PPP4R3B: variants seen among roughly 807,000 people sequenced by gnomAD.
PPP4R3B encodes the protein serine/threonine-protein phosphatase 4 regulatory subunit 3B.
PPP4R3B carries 52 observed loss-of-function variants against 95.4 expected under a neutral mutation model. The observed-to-expected ratio is 0.54, with a 90% CI of 0.44 to 0.69. The LOEUF is 0.69. Among genes scored for constraint, PPP4R3B ranks in the 30% least tolerant of loss-of-function variants. The pLI, the probability that PPP4R3B is intolerant of heterozygous loss-of-function variation, is 0.00. For synonymous variants in PPP4R3B, 407 were observed against 343.9 expected, an observed-to-expected ratio of 1.18 and a Z score of -2.03; for missense variants, 1,003 against 1,005.9, an observed-to-expected ratio of 1.00 and a Z score of 0.04.
At chr2:55,563,097 C>T (rs1686832251) in intron 15 of PPP4R3B, among the ~76,000 whole-genome samples, 1 of 152,144 alleles carries the variant, frequency 6.6e-6, no homozygotes, top group Non-Finnish European at 1.5e-5. Context: ...CCTCTTTTGA[C>T]AATAGTCAGG....
chr2:55,574,326 CAGAA>C (rs1369064767), intron 11 of PPP4R3B, among the ~76,000 whole-genome samples: 2 of 150,944 alleles, frequency 1.3e-5, no homozygotes, highest in Non-Finnish European at 2.9e-5. Context: ...ATATGAAATA[CAGAA>C]AGAAAGGCAA....
rs540904533 is a variant in PPP4R3B, at chr2:55,589,731, T to C, written c.922-775A>G. On this transcript the variant is annotated intron_variant, in intron 4 of 16. Transcript: ENST00000616407. ...GAGATCGAGACCACCCTGGCTAACA[T>C]GGTAAAACCCTGTCTCTACTAAAAA... Among the ~76,000 whole-genome samples the C allele has an allele frequency of 5.5e-3, 828 of 150,908 alleles. 2 individuals carry two copies. The highest frequency in any genetic ancestry group is 9.8e-3 in the Non-Finnish European group (664 of 67,782).
Position 55,555,253 on chromosome 2 carries a change from C to T in PPP4R3B, c.2454+3522G>A, listed in dbSNP as rs185091841. ...CAAGATTGCGCCACCGCACTCCAGC[C>T]TGGGCAACAGAACAAGACTCCGTCT... is the stretch of plus-strand genomic sequence containing the variant. On this transcript the variant is annotated intron_variant, in intron 16 of 16. Transcript: ENST00000616407. Among the ~76,000 whole-genome samples, 5 of 138,412 alleles carry T rather than the reference C, an allele frequency of 3.6e-5. No homozygotes were observed. In the East Asian group the frequency reaches 1.0e-3, roughly 28 times the overall value. The allele number at this position is 138,412 out of a possible 152,430, so 90.8% of individuals were successfully genotyped here.
At chr2:55,568,514 A>G (rs1687587096) in intron 12 of PPP4R3B, 151 bp from the exon 13 acceptor site, 1 of 570,470 alleles carries the variant, frequency 1.8e-6, no homozygotes, top group Admixed American at 4.2e-5. Flanking sequence ...TCTAAAATGA[A>G]AAGTAAAACT....
At chr2:55,591,461 TTA>T in intron 4 of PPP4R3B, 1 of 932,146 alleles carries the variant, frequency 1.1e-6, no homozygotes, top group Non-Finnish European at 1.3e-6. Context: ...CCAAATACTT[TTA>T]GTCTTAATAT....
intron 10 of PPP4R3B, among the ~76,000 whole-genome samples, chr2:55,577,987 A>C (rs1300569342): frequency 6.6e-6 from 1 of 152,168 alleles, no homozygotes; most frequent in African/African-American, 2.4e-5. Flanking sequence ...GAATGGCTGA[A>C]TTACAGCATC....
At chr2:55,568,387 T>A in intron 12 of PPP4R3B, 24 bp from the exon 13 acceptor site, 1 of 1,562,570 alleles carries the variant, frequency 6.4e-7, no homozygotes, top group Non-Finnish European at 8.7e-7. Context: ...ATATAGGGAA[T>A]AAGTTAATGA....
At chr2:55,606,810 G>C (rs1203246646) in intron 2 of PPP4R3B, among the ~76,000 whole-genome samples, 1 of 134,124 alleles carries the variant, frequency 7.5e-6, no homozygotes, top group South Asian at 2.5e-4. Context: ...GGACAAAAGT[G>C]AGACTTTGCC....
chr2:55,566,339 C>T (rs1349796199), intron 13 of PPP4R3B, among the ~76,000 whole-genome samples: 1 of 152,122 alleles, frequency 6.6e-6, no homozygotes, highest in Non-Finnish European at 1.5e-5. Context: ...ATCGACCACT[C>T]GAACTTATTT....
intron 2 of PPP4R3B, chr2:55,615,006 CAATT>C (rs1466753531): frequency 1.3e-5 from 2 of 153,338 alleles, no homozygotes; most frequent in African/African-American, 4.8e-5. Flanking sequence ...AAATACACAA[CAATT>C]AAAGAGCAGG....
At chr2:55,610,590 A>T (rs917986018) in intron 2 of PPP4R3B, among the ~76,000 whole-genome samples, 1 of 152,068 alleles carries the variant, frequency 6.6e-6, no homozygotes, top group Non-Finnish European at 1.5e-5. Flanking sequence ...GTCTGTGGAA[A>T]ATGCAAGTTT....
chr2:55,568,317 A>C lies in PPP4R3B; in HGVS notation c.1812T>G (p.Phe604Leu). Residue 604 changes from phenylalanine to leucine, a missense_variant, in exon 13 of 17, where the codon TTT becomes TTG. By Grantham distance (22) the Phe-to-Leu change is conservative. This residue lies in a region of PPP4R3B where 79 missense variants were observed against 124.9 expected (regional missense o/e 0.63). Coordinates refer to ENST00000616407, the MANE Select transcript of PPP4R3B (RefSeq NM_001122964.3). ...TTCCCTTGGTGATGTAACGATTATA[A>C]AATTCATCTTTAAGTCCAATTATCC... ...MRRIIGLKDE[F>L]YNRYITKGNL... The C allele has an allele frequency of 6.2e-7, 1 of 1,608,382 alleles. No homozygotes were observed. Among genetic ancestry groups the C allele is most frequent in the East Asian group, 2.2e-5 (1 of 44,682 alleles).
chr2:55,586,296 T>TCCC (rs1169271029), intron 6 of PPP4R3B, among the ~76,000 whole-genome samples: 1 of 152,148 alleles, frequency 6.6e-6, no homozygotes, highest in African/African-American at 2.4e-5. Flanking sequence ...GCAGCATGAA[T>TCCC]CCCCTTGTTC....
At chr2:55,611,031 A>G (rs1161303786) in intron 2 of PPP4R3B, among the ~76,000 whole-genome samples, 1 of 151,994 alleles carries the variant, frequency 6.6e-6, no homozygotes, top group East Asian at 1.9e-4. Context: ...ATGCCCAGCT[A>G]ATTTATATTT....
At position 55,598,820 on chromosome 2, in the gene PPP4R3B, T is replaced by C. The variant is rs768269365; in HGVS notation, c.517A>G (p.Lys173Glu). Residue 173 changes from lysine to glutamate, a missense_variant, in exon 4 of 17, where the codon AAA becomes GAA. Physicochemically the swap from Lys to Glu is moderately conservative, Grantham distance 56. Around this residue, in one of 3 missense-constraint regions of PPP4R3B, gnomAD observed 695 missense variants for 686.2 expected, o/e 1.01. Transcript: ENST00000616407. ...ALALENEGYIKKLLQLFQACE... is the reference protein window; with the variant it reads ...ALALENEGYIEKLLQLFQACE... Reference sequence around the variant, plus strand: ...GCTTGGAACAGCTGCAATAGTTTTTTAATATAGCCTTCATTTTCCAAGGCG... The same window carrying C: ...GCTTGGAACAGCTGCAATAGTTTTTCAATATAGCCTTCATTTTCCAAGGCG... The C allele has an allele frequency of 1.5e-5, 24 of 1,614,082 alleles. No individual in the cohort carries two copies. The highest frequency in any genetic ancestry group is 1.9e-5 in the Non-Finnish European group (22 of 1,180,030).
At chr2:55,585,496 GT>G (rs1272636859) in intron 6 of PPP4R3B, among the ~76,000 whole-genome samples, 2 of 152,132 alleles carry the variant, frequency 1.3e-5, no homozygotes, top group East Asian at 3.8e-4. Flanking sequence ...TTAAATATAT[GT>G]AAAAATTTGA....
chr2:55,614,562 C>T (rs1694638804), intron 2 of PPP4R3B: 1 of 152,072 alleles, frequency 6.6e-6, no homozygotes, highest in African/African-American at 2.4e-5. Context: ...TTTATGGATA[C>T]ATACATATGC....
intron 4 of PPP4R3B, among the ~76,000 whole-genome samples, chr2:55,597,997 T>C (rs1394278320): frequency 2.0e-5 from 3 of 151,948 alleles, no homozygotes; most frequent in Admixed American, 6.5e-5. Flanking sequence ...GCGGGCGGAC[T>C]GCCTGAGCTC....
chr2:55,615,298 G>A, intron 2 of PPP4R3B, 153 bp downstream of exon 2: 1 of 635,826 alleles, frequency 1.6e-6, no homozygotes, highest in South Asian at 1.8e-5. Flanking sequence ...CTTTTTTTCA[G>A]TCTGAAACTT....
Sources: gnomAD v4.1 joint callset for allele counts (sites outside exome capture counted in the v4.1 genomes callset) on GRCh38, gnomAD v4.1.1 for gene constraint, gnomAD v4.1.1 regional missense constraint, MANE v1.5 for transcripts, NCBI Gene and HGNC (gene_info 2026-07-23, HGNC 2026-07-21) for gene names.